Variants in UNC79 observed in about 807,000 individuals in gnomAD.
The protein encoded by UNC79 is protein unc-79 homolog.
In UNC79, 37 loss-of-function variants were observed where a neutral mutation model predicts 283.1. The ratio of observed to expected loss-of-function variants is 0.13; its 90% confidence interval spans 0.10 to 0.17. The LOEUF (loss-of-function observed/expected upper bound fraction) is 0.17. Among genes scored for constraint, UNC79 ranks in the 10% least tolerant of loss-of-function variants. UNC79 has a pLI of 1.00. For synonymous variants in UNC79, 1,107 were observed against 1,200.2 expected (o/e 0.92, Z 1.61); for missense variants, 2,272 against 3,211.1 (o/e 0.71, Z 7.07).
chr14:93,680,470 T>C (rs2073755710), intron 41 of UNC79, among the ~76,000 whole-genome samples: 1 of 152,244 alleles, frequency 6.6e-6, no homozygotes. Context: ...CTCTCTTAGC[T>C]ATGCAATATC....
intron 45 of UNC79, 99 bp from the exon 49 acceptor site, chr14:93,691,650 C>T (rs2074709226): frequency 7.9e-6 from 10 of 1,262,426 alleles, no homozygotes; most frequent in African/African-American, 1.5e-5. Flanking sequence ...TGTGCTTCCC[C>T]TGTGCTCCCT....
At chr14:93,599,922 C>A (rs943630774) in intron 24 of UNC79, among the ~76,000 whole-genome samples, 1 of 152,172 alleles carries the variant, frequency 6.6e-6, no homozygotes, top group Admixed American at 6.5e-5. Context: ...CCAGATGCAG[C>A]TGGGCGTGGT....
intron 14 of UNC79, among the ~76,000 whole-genome samples, chr14:93,557,140 T>C (rs1404062310): frequency 6.6e-6 from 1 of 152,246 alleles, no homozygotes; most frequent in Non-Finnish European, 1.5e-5. Context: ...CATGTCTATG[T>C]AAGTGTGAGC....
At chr14:93,408,179 A>G (rs1047812770) in intron 1 of UNC79, among the ~76,000 whole-genome samples, 19 of 152,226 alleles carry the variant, frequency 1.2e-4, no homozygotes, top group Non-Finnish European at 1.6e-4. Flanking sequence ...ATTTAAAATA[A>G]CTATGATTAA....
At chr14:93,568,994 A>G (rs1346711326) in intron 14 of UNC79, among the ~76,000 whole-genome samples, 2 of 152,204 alleles carry the variant, frequency 1.3e-5, no homozygotes, top group African/African-American at 4.8e-5. Context: ...GAGTTTTCTT[A>G]GGAGACTGGG....
At chr14:93,594,565 G>A (rs2064927679) in intron 23 of UNC79, among the ~76,000 whole-genome samples, 1 of 152,092 alleles carries the variant, frequency 6.6e-6, no homozygotes, top group Admixed American at 6.6e-5. Flanking sequence ...CCACTGTGCT[G>A]GGGCAGAAAC....
intron 35 of UNC79, 73 bp downstream of exon 38, chr14:93,646,719 C>G (rs2069648435): frequency 1.9e-6 from 3 of 1,546,652 alleles, no homozygotes; most frequent in Non-Finnish European, 2.7e-6. Flanking sequence ...TTCTAAAACA[C>G]CAGTGTGGGG....
exon 37 of UNC79, chr14:93,653,943 G>A: frequency 1.9e-6 from 3 of 1,614,086 alleles, no homozygotes; most frequent in Non-Finnish European, 2.5e-6. Context: ...TTTCCAGATG[G>A]GACTTTTTTA....
At chr14:93,630,551 T>G (rs1252031881) in intron 30 of UNC79, among the ~76,000 whole-genome samples, 1 of 152,240 alleles carries the variant, frequency 6.6e-6, no homozygotes, top group Non-Finnish European at 1.5e-5. Flanking sequence ...CAGCTGAGCT[T>G]TAGCTCTGTA....
intron 27 of UNC79, among the ~76,000 whole-genome samples, chr14:93,615,720 C>CAAAAAAAAAAAAAAAAAAA (rs1158073507): frequency 1.3e-4 from 3 of 23,292 alleles, no homozygotes; most frequent in Non-Finnish European, 3.2e-4. Flanking sequence ...GACTCCATCT[C>CAAAAAAAAAAAAAAAAAAA]AAAAAAAAAA....
chr14:93,579,835 T>C lies in UNC79; in HGVS notation c.2434-314T>C, dbSNP rs192473204. On this transcript the variant is annotated intron_variant, in intron 18 of 48. Transcript: ENST00000555664. ...GGACTCTAGGTGAGGAGCAGCATTT[T>C]TTAAATGTGTAAAATCTCACAAACC... Among the ~76,000 whole-genome samples, 740 of 152,332 alleles carry C rather than the reference T, an allele frequency of 4.9e-3. 5 individuals carry two copies. The highest frequency in any genetic ancestry group is 7.6e-3 in the Non-Finnish European group (515 of 68,034).
intron 11 of UNC79, among the ~76,000 whole-genome samples, chr14:93,537,185 C>T (rs958160369): frequency 6.6e-6 from 1 of 152,190 alleles, no homozygotes; most frequent in Admixed American, 6.5e-5. Flanking sequence ...GCTTGGGGCA[C>T]GTCTCCAATA....
intron 1 of UNC79, among the ~76,000 whole-genome samples, chr14:93,366,056 T>C (rs2054324340): frequency 6.6e-6 from 1 of 152,194 alleles, no homozygotes; most frequent in African/African-American, 2.4e-5. Context: ...TAGCACAATC[T>C]TTGCAGGCAA....
At chr14:93,552,247 T>G (rs1471957530) in intron 14 of UNC79, among the ~76,000 whole-genome samples, 1 of 152,146 alleles carries the variant, frequency 6.6e-6, no homozygotes, top group Non-Finnish European at 1.5e-5. Flanking sequence ...ATACTTTTAA[T>G]AAGAGACATT....
At chr14:93,497,993 A>C (rs914806025) in intron 7 of UNC79, among the ~76,000 whole-genome samples, 1 of 151,864 alleles carries the variant, frequency 6.6e-6, no homozygotes, top group African/African-American at 2.4e-5. Context: ...TAAAAAAAAA[A>C]TTAAGTGACC....
At chr14:93,686,449 G>A in intron 42 of UNC79, 123 bp from the exon 46 acceptor site, 1 of 969,264 alleles carries the variant, frequency 1.0e-6, no homozygotes, top group Non-Finnish European at 1.6e-6. Flanking sequence ...GAGAGTAATG[G>A]AGTGAGTCAG....
At chr14:93,573,863 G>A (rs1431841565) in intron 16 of UNC79, among the ~76,000 whole-genome samples, 2 of 152,144 alleles carry the variant, frequency 1.3e-5, no homozygotes, top group Non-Finnish European at 2.9e-5. Context: ...AAATTAGCTG[G>A]TCGTGGTGAC....
At chr14:93,517,472 A>ATT (rs34274004) in intron 7 of UNC79, among the ~76,000 whole-genome samples, 8,540 of 146,602 alleles carry the variant, frequency 0.058, 343 homozygotes, top group Admixed American at 0.12. Flanking sequence ...TTTTTCATAG[A>ATT]TTTTTTTTTT....
intron 1 of UNC79, among the ~76,000 whole-genome samples, chr14:93,463,123 G>C (rs536206868): frequency 6.6e-6 from 1 of 152,126 alleles, no homozygotes; most frequent in Non-Finnish European, 1.5e-5. Context: ...AGAAGGATAC[G>C]TTCCAGGGGG....
Sources: gnomAD v4.1 joint callset for allele counts (sites outside exome capture counted in the v4.1 genomes callset) on GRCh38, gnomAD v4.1.1 for gene constraint, MANE v1.5 for transcripts, NCBI Gene and HGNC (gene_info 2026-07-23, HGNC 2026-07-21) for gene names.